Variants in FER observed in about 807,000 individuals in gnomAD.
The protein encoded by FER is FER tyrosine kinase.
Under a neutral mutation model 111.0 loss-of-function variants are expected in FER, and 63 were observed. The ratio of observed to expected loss-of-function variants is 0.57; its 90% CI spans 0.46 to 0.70. The LOEUF (loss-of-function observed/expected upper bound fraction) is 0.70. Ranked by LOEUF, FER falls within the 30% of genes least tolerant of loss-of-function variation. The pLI is 0.00. For synonymous variants in FER, 327 were observed against 313.9 expected (o/e 1.04, Z -0.44); for missense variants, 914 against 954.0 (o/e 0.96, Z 0.55).
intron 10 of FER, among the ~76,000 whole-genome samples, chr5:108,912,064 G>A (rs746731095): frequency 5.3e-5 from 8 of 152,018 alleles, no homozygotes; most frequent in Non-Finnish European, 8.8e-5. Context: ...TCATTCTCTC[G>A]TCTGCTGCCA....
intron 13 of FER, among the ~76,000 whole-genome samples, chr5:108,986,569 A>G (rs1272356247): frequency 6.6e-6 from 1 of 152,134 alleles, no homozygotes; most frequent in Non-Finnish European, 1.5e-5. Flanking sequence ...TAGTATTTTT[A>G]TAGTTTCAGA....
intron 8 of FER, among the ~76,000 whole-genome samples, chr5:108,874,618 T>G (rs1051743987): frequency 7.1e-6 from 1 of 141,182 alleles, no homozygotes; most frequent in Non-Finnish European, 1.6e-5. Flanking sequence ...TCTTTCTTCC[T>G]TTTTTTTTTT....
chr5:108,822,769 T>TTTATTTTATTTATTTTATTTTATG (rs1561470185), intron 3 of FER, among the ~76,000 whole-genome samples: 3 of 101,756 alleles, frequency 2.9e-5, no homozygotes, highest in African/African-American at 1.1e-4. Flanking sequence ...TTTTATTTAT[T>TTTATTTTATTTATTTTATTTTATG]TTATTTTATG....
intron 10 of FER, among the ~76,000 whole-genome samples, chr5:108,935,855 C>T (rs367572246): frequency 3.4e-4 from 51 of 152,008 alleles, no homozygotes; most frequent in African/African-American, 1.2e-3. Context: ...CAAGTGTTTA[C>T]GTCTGTATTA....
intron 16 of FER, among the ~76,000 whole-genome samples, chr5:109,084,028 A>G (rs1438638670): frequency 1.3e-5 from 2 of 152,042 alleles, no homozygotes; most frequent in Admixed American, 1.3e-4. Context: ...AGCAGAGAAC[A>G]CAAGTCTTAA....
At chr5:109,088,007 A>T (rs1011405448) in intron 16 of FER, among the ~76,000 whole-genome samples, 1 of 151,994 alleles carries the variant, frequency 6.6e-6, no homozygotes, top group Non-Finnish European at 1.5e-5. Context: ...AGTGGTTTTC[A>T]TATGCATTTA....
chr5:108,992,166 CAT>C (rs1304314713), intron 13 of FER, among the ~76,000 whole-genome samples: 2 of 152,148 alleles, frequency 1.3e-5, no homozygotes, highest in African/African-American at 2.4e-5. Flanking sequence ...GGACACAGCA[CAT>C]GTTTCAGAGA....
intron 16 of FER, among the ~76,000 whole-genome samples, chr5:109,061,729 C>G (rs760446397): frequency 3.3e-5 from 5 of 152,014 alleles, no homozygotes; most frequent in Non-Finnish European, 5.9e-5. Flanking sequence ...TCTTTTTTCT[C>G]TACTGGGAAT....
intron 10 of FER, among the ~76,000 whole-genome samples, chr5:108,929,574 G>C (rs1754272943): frequency 6.6e-6 from 1 of 151,778 alleles, no homozygotes. Context: ...TCCTTTTAAG[G>C]AATTGGGCTT....
chr5:109,019,087 G>T (rs1767585055), intron 13 of FER, among the ~76,000 whole-genome samples: 1 of 151,182 alleles, frequency 6.6e-6, no homozygotes, highest in Non-Finnish European at 1.5e-5. Flanking sequence ...TTTCCAGAGG[G>T]GTTTGAATGT....
chr5:108,855,633 A>G (rs1762937169), intron 5 of FER, among the ~76,000 whole-genome samples: 1 of 152,024 alleles, frequency 6.6e-6, no homozygotes, highest in Non-Finnish European at 1.5e-5. Flanking sequence ...CCAATGTAAA[A>G]GGAAAACTAA....
chr5:109,032,789 A>G (rs182735404), intron 13 of FER, among the ~76,000 whole-genome samples: 3 of 152,226 alleles, frequency 2.0e-5, no homozygotes, highest in Non-Finnish European at 4.4e-5. Context: ...TGCATAATTT[A>G]TATCTCCAGA....
At chr5:109,167,247 A>G (rs1232122545) in intron 17 of FER, among the ~76,000 whole-genome samples, 1 of 152,162 alleles carries the variant, frequency 6.6e-6, no homozygotes. Context: ...CCTGTTTTAC[A>G]TGGCTAAATT....
intron 16 of FER, among the ~76,000 whole-genome samples, chr5:109,065,742 TAAC>T (rs1248287807): frequency 6.6e-6 from 1 of 152,228 alleles, no homozygotes; most frequent in Non-Finnish European, 1.5e-5. Context: ...GAAATTGTCA[TAAC>T]AAGGTTTTGT....
chr5:108,788,853 T>A (rs1366091489), intron 2 of FER, among the ~76,000 whole-genome samples: 2 of 152,238 alleles, frequency 1.3e-5, no homozygotes, highest in Non-Finnish European at 2.9e-5. Context: ...ATTGATACTG[T>A]CATGATTATT....
chr5:108,785,597 G>GAAA, intron 2 of FER: 1 of 373,340 alleles, frequency 2.7e-6, no homozygotes, highest in Admixed American at 3.4e-5. Flanking sequence ...GAACAAACTG[G>GAAA]AAAAAAAAAA....
chr5:109,020,615 G>C (rs1463031830), intron 13 of FER, among the ~76,000 whole-genome samples: 2 of 151,976 alleles, frequency 1.3e-5, no homozygotes, highest in African/African-American at 4.8e-5. Context: ...TAGAGAAATT[G>C]ATGGATGACA....
chr5:109,051,319 T>TC, intron 16 of FER: 2 of 1,583,854 alleles, frequency 1.3e-6, no homozygotes, highest in South Asian at 2.2e-5. Flanking sequence ...TATCTAGATC[T>TC]CCAGGTCATC....
At chr5:108,812,994 T>A (rs1030969220) in intron 3 of FER, among the ~76,000 whole-genome samples, 1 of 152,144 alleles carries the variant, frequency 6.6e-6, no homozygotes, top group African/African-American at 2.4e-5. Context: ...TATTTGCTCA[T>A]TGAGTTACAG....
Sources: gnomAD v4.1 joint callset for allele counts (sites outside exome capture counted in the v4.1 genomes callset) on GRCh38, gnomAD v4.1.1 for gene constraint, MANE v1.5 for transcripts, NCBI Gene and HGNC (gene_info 2026-07-23, HGNC 2026-07-21) for gene names.